KLHL1: variants seen among roughly 807,000 people sequenced by gnomAD.
The protein encoded by KLHL1 is kelch-like protein 1.
Under a neutral mutation model 77.7 loss-of-function variants are expected in KLHL1, and 47 were observed. That is an observed-to-expected ratio of 0.60 (90% confidence interval 0.48 to 0.77). KLHL1 has a LOEUF of 0.77. Among genes scored for constraint, KLHL1 ranks in the 30% least tolerant of loss-of-function variants. KLHL1 has a pLI of 0.00. For synonymous variants in KLHL1, 360 were observed against 325.2 expected, an observed-to-expected ratio of 1.11 and a Z score of -1.15; for missense variants, 925 against 910.8, an observed-to-expected ratio of 1.02 and a Z score of -0.20.
intron 4 of KLHL1, among the ~76,000 whole-genome samples, chr13:69,899,330 G>C (rs1224001430): frequency 1.3e-5 from 2 of 152,056 alleles, no homozygotes; most frequent in Non-Finnish European, 2.9e-5. Flanking sequence ...GTATACATGG[G>C]GATAAGAATG....
chr13:69,909,158 A>G (rs1338469332), intron 4 of KLHL1, among the ~76,000 whole-genome samples: 1 of 151,266 alleles, frequency 6.6e-6, no homozygotes, highest in Non-Finnish European at 1.5e-5. Context: ...TGGATGCTCA[A>G]GACAGAAAGA....
intron 4 of KLHL1, among the ~76,000 whole-genome samples, chr13:69,890,646 G>GCACACACA (rs146517627): frequency 6.8e-6 from 1 of 146,596 alleles, no homozygotes; most frequent in South Asian, 2.2e-4. Flanking sequence ...ACACACACAC[G>GCACACACA]CACACACACA....
At chr13:69,941,549 A>T (rs1395380503) in intron 3 of KLHL1, among the ~76,000 whole-genome samples, 1 of 152,092 alleles carries the variant, frequency 6.6e-6, no homozygotes, top group African/African-American at 2.4e-5. Context: ...ACCTCAAGGA[A>T]CTAGAGAAAC....
intron 2 of KLHL1, among the ~76,000 whole-genome samples, chr13:69,974,864 C>T (rs549341494): frequency 4.3e-4 from 66 of 152,038 alleles, no homozygotes; most frequent in Admixed American, 7.2e-4. Context: ...AATGGTAACT[C>T]AATTTTGTAG....
intron 4 of KLHL1, among the ~76,000 whole-genome samples, chr13:69,928,085 A>T (rs1228457421): frequency 6.6e-6 from 1 of 152,178 alleles, no homozygotes; most frequent in Admixed American, 6.5e-5. Context: ...TGGCACCCCC[A>T]TTGTTCCTAT....
At chr13:69,780,667 C>G (rs1411672888) in intron 7 of KLHL1, among the ~76,000 whole-genome samples, 1 of 129,616 alleles carries the variant, frequency 7.7e-6, no homozygotes, top group Admixed American at 8.7e-5. Flanking sequence ...ATAAATTTCA[C>G]TCTGAATTCT....
intron 10 of KLHL1, among the ~76,000 whole-genome samples, chr13:69,707,322 A>T (rs1323371252): frequency 6.6e-6 from 1 of 151,986 alleles, no homozygotes; most frequent in Non-Finnish European, 1.5e-5. Flanking sequence ...GAACCAATAT[A>T]TTACACTTTT....
intron 8 of KLHL1, among the ~76,000 whole-genome samples, chr13:69,727,397 A>G (rs929279327): frequency 1.3e-5 from 2 of 152,142 alleles, no homozygotes; most frequent in Non-Finnish European, 2.9e-5. Context: ...GACAGTGAAT[A>G]GTGGACAGTC....
intron 4 of KLHL1, among the ~76,000 whole-genome samples, chr13:69,913,328 A>G (rs891998309): frequency 1.3e-5 from 2 of 152,122 alleles, no homozygotes; most frequent in Non-Finnish European, 2.9e-5. Flanking sequence ...CTTGGAGACC[A>G]CCTTCCAAGC....
At chr13:69,821,752 T>C (rs1304147974) in intron 6 of KLHL1, among the ~76,000 whole-genome samples, 1 of 152,202 alleles carries the variant, frequency 6.6e-6, no homozygotes, top group African/African-American at 2.4e-5. Context: ...TCCCCTCATT[T>C]TGTACTCTCC....
chr13:70,086,601 AGAAAGAAAGAAAG>A (rs1566564241), intron 1 of KLHL1, among the ~76,000 whole-genome samples: 10 of 39,270 alleles, frequency 2.5e-4, no homozygotes, highest in Admixed American at 4.1e-4. Flanking sequence ...AAAGAAAGAA[AGAAAGAAAGAAAG>A]AAAGAAAGAA....
At chr13:69,904,540 CTATA>C (rs1372737850) in intron 4 of KLHL1, among the ~76,000 whole-genome samples, 3 of 152,106 alleles carry the variant, frequency 2.0e-5, no homozygotes, top group Non-Finnish European at 4.4e-5. Flanking sequence ...AGCCCTGGTA[CTATA>C]TAAAGATACA....
chr13:69,778,282 A>G (rs1593819797), intron 7 of KLHL1, among the ~76,000 whole-genome samples: 1 of 152,152 alleles, frequency 6.6e-6, no homozygotes, highest in East Asian at 1.9e-4. Context: ...TCAGGAAGAT[A>G]AAATTAATAC....
intron 2 of KLHL1, among the ~76,000 whole-genome samples, chr13:69,962,651 A>C (rs544070048): frequency 1.2e-3 from 188 of 152,148 alleles, no homozygotes; most frequent in African/African-American, 4.4e-3. Context: ...TTGTGTATTA[A>C]AATTTATAAT....
At chr13:69,925,021 G>T (rs905396285) in intron 4 of KLHL1, among the ~76,000 whole-genome samples, 3 of 152,280 alleles carry the variant, frequency 2.0e-5, no homozygotes, top group Non-Finnish European at 2.9e-5. Flanking sequence ...TTGCCACTCT[G>T]CTTTCCCTTG....
At chr13:69,910,665 T>A (rs548888974) in intron 4 of KLHL1, among the ~76,000 whole-genome samples, 1 of 152,092 alleles carries the variant, frequency 6.6e-6, no homozygotes, top group South Asian at 2.1e-4. Context: ...GACAAAAAAT[T>A]CATATAAAAC....
intron 7 of KLHL1, among the ~76,000 whole-genome samples, chr13:69,751,191 T>C (rs532934839): frequency 3.2e-4 from 48 of 151,846 alleles, no homozygotes; most frequent in African/African-American, 1.1e-3. Flanking sequence ...TGTGTAGGTG[T>C]ATGAAATCAA....
intron 1 of KLHL1, among the ~76,000 whole-genome samples, chr13:70,086,365 C>G (rs1887537129): frequency 6.6e-6 from 1 of 151,494 alleles, no homozygotes; most frequent in Non-Finnish European, 1.5e-5. Context: ...CTTGGATCAC[C>G]TGAAGTCAAG....
At chr13:70,094,251 A>G (rs1887735668) in intron 1 of KLHL1, among the ~76,000 whole-genome samples, 1 of 152,012 alleles carries the variant, frequency 6.6e-6, no homozygotes, top group Non-Finnish European at 1.5e-5. Flanking sequence ...ACTTGAGCTC[A>G]GGAGTTCGAG....
Sources: gnomAD v4.1 joint callset for allele counts (sites outside exome capture counted in the v4.1 genomes callset) on GRCh38, gnomAD v4.1.1 for gene constraint, MANE v1.5 for transcripts, NCBI Gene and HGNC (gene_info 2026-07-23, HGNC 2026-07-21) for gene names.